The following TP53BP2 variants were observed in gnomAD, a reference collection of about 807,000 sequenced individuals.
The protein encoded by TP53BP2 is tumor protein p53 binding protein 2.
A neutral mutation model predicts 126.2 loss-of-function variants in TP53BP2; 62 were observed. That is an observed-to-expected ratio of 0.49 (90% CI 0.40 to 0.61). The LOEUF is 0.61. Among genes scored for constraint, TP53BP2 ranks in the 20% least tolerant of loss-of-function variants. The pLI is 0.00. For missense variants in TP53BP2, 1,215 were observed against 1,402.8 expected (o/e 0.87, Z 2.14); for synonymous variants, 485 against 502.9 (o/e 0.96, Z 0.48).
intron 12 of TP53BP2, among the ~76,000 whole-genome samples, 158 bp downstream of exon 12, chr1:223,798,057 A>C (rs1045998058): frequency 2.6e-4 from 39 of 152,216 alleles, no homozygotes; most frequent in African/African-American, 8.9e-4. Flanking sequence ...GACATTTAGC[A>C]AGCACTCTTT....
chr1:223,822,447 T>C (rs1158149980), intron 1 of TP53BP2, among the ~76,000 whole-genome samples: 1 of 152,084 alleles, frequency 6.6e-6, no homozygotes, highest in Non-Finnish European at 1.5e-5. Context: ...GGGAAGATCA[T>C]GTGAGTCCAG....
chr1:223,829,364 G>A (rs1423457040), intron 1 of TP53BP2, among the ~76,000 whole-genome samples: 6 of 151,970 alleles, frequency 3.9e-5, no homozygotes, highest in Admixed American at 6.6e-5. Context: ...TGAGAATGTG[G>A]GTAAAATGGA....
intron 16 of TP53BP2, among the ~76,000 whole-genome samples, chr1:223,788,366 TA>T (rs1662041368): frequency 6.6e-6 from 1 of 152,106 alleles, no homozygotes. Flanking sequence ...CAAGCCCAAC[TA>T]AAGAGGAAAA....
chr1:223,797,835 T>C (rs114074603), intron 12 of TP53BP2, among the ~76,000 whole-genome samples: 1,634 of 152,188 alleles, frequency 0.011, 37 homozygotes, highest in African/African-American at 0.038. Flanking sequence ...TATGTCTCTC[T>C]ATATGTATAT....
chr1:223,825,053 A>ACACACACACACACC (rs896409691), intron 1 of TP53BP2, among the ~76,000 whole-genome samples: 2 of 148,734 alleles, frequency 1.3e-5, no homozygotes, highest in Admixed American at 1.3e-4. Flanking sequence ...ACACACACAC[A>ACACACACACACACC]CCCTAGCCCA....
At position 223,841,501 on chromosome 1, in the gene TP53BP2, C is replaced by T. The variant is rs936412982; in HGVS notation, c.27+4153G>A. 3.3e-5 allele frequency among the ~76,000 whole-genome samples: 5 copies of T among 152,210 alleles called. 1 individual carries two copies. In the South Asian group the frequency reaches 1.0e-3, roughly 32 times the overall value. ...TCCAAATACATAACTTGAAGTCATACAAATATAATGTTTCAAATACACAAC... is the reference window on the plus strand; with the variant it reads ...TCCAAATACATAACTTGAAGTCATATAAATATAATGTTTCAAATACACAAC... On this transcript the variant is annotated intron_variant, in intron 1 of 17. Coordinates refer to ENST00000343537, the MANE Select transcript of TP53BP2 (RefSeq NM_001031685.3).
chr1:223,823,351 G>A (rs1663379749), intron 1 of TP53BP2, among the ~76,000 whole-genome samples: 1 of 152,162 alleles, frequency 6.6e-6, no homozygotes, highest in Admixed American at 6.5e-5. Flanking sequence ...CAGAGAAAGA[G>A]GAGATATACA....
chr1:223,813,733 G>T (rs1286475474), intron 3 of TP53BP2, among the ~76,000 whole-genome samples: 1 of 152,024 alleles, frequency 6.6e-6, no homozygotes, highest in African/African-American at 2.4e-5. Flanking sequence ...TGGCCTCAAT[G>T]GTTCCCAGCA....
Position 223,796,573 on chromosome 1 carries a change from T to C in TP53BP2, c.1966A>G (p.Ile656Val), listed in dbSNP as rs1057245576. Residue 656 changes from isoleucine to valine, a missense_variant, in exon 13 of 18, where the codon ATT (isoleucine) becomes GTT (valine). Physicochemically the swap from Ile to Val is conservative, Grantham distance 29. Transcript: ENST00000343537. The surrounding 1 kb of genome is among the most constrained non-coding windows in gnomAD (Gnocchi z 4.2). ...TGCTGTTGATTCTGGGCAGCAGCAA[T>C]TACAGGCTTACCATATACTAATTGG... ...HFSSVYGKPV[I>V]AAAQNQQQHP... 1.2e-6 allele frequency: 2 copies of C among 1,608,596 alleles called. No individual in the cohort carries two copies. The highest frequency in any genetic ancestry group is 1.7e-5 in the Admixed American group (1 of 59,430).
In TP53BP2 at chr1:223,815,272, T is replaced by C. The variant is rs151033831; in HGVS notation, c.176-919A>G. ...ACCAGCCAATTTGGTGAACCAACCC[T>C]GAACTTAATCTGCTTGGCTGCAACA... On this transcript the variant is annotated intron_variant, in intron 2 of 17. Transcript: ENST00000343537. Among the ~76,000 whole-genome samples the C allele has an allele frequency of 1.7e-3, 252 of 152,328 alleles. 2 individuals are homozygous for C. Among genetic ancestry groups the C allele is most frequent in the African/African-American group, 5.0e-3 (207 of 41,568 alleles).
intron 11 of TP53BP2, among the ~76,000 whole-genome samples, chr1:223,799,072 G>A (rs1381612761): frequency 1.3e-5 from 2 of 152,132 alleles, no homozygotes; most frequent in African/African-American, 4.8e-5. Flanking sequence ...ACTCCATCTC[G>A]GAAAATATAT....
chr1:223,820,188 G>A (rs1663250464), intron 2 of TP53BP2, among the ~76,000 whole-genome samples: 1 of 152,192 alleles, frequency 6.6e-6, no homozygotes, highest in African/African-American at 2.4e-5. Context: ...ATGACTCTAA[G>A]GTGGGAATGA....
intron 15 of TP53BP2, 132 bp from the exon 16 acceptor site, chr1:223,789,306 T>C: frequency 9.9e-7 from 1 of 1,008,466 alleles, no homozygotes; most frequent in Non-Finnish European, 1.4e-6. Flanking sequence ...TAAACAGTTT[T>C]TTAAAAACCA....
At chr1:223,826,594 T>A (rs1382775101) in intron 1 of TP53BP2, among the ~76,000 whole-genome samples, 1 of 152,172 alleles carries the variant, frequency 6.6e-6, no homozygotes, top group African/African-American at 2.4e-5. Context: ...GTGATGAAAA[T>A]ATTCTGGAAT....
chr1:223,798,769 C>T (rs909441612), intron 11 of TP53BP2, 92 bp from the exon 12 acceptor site: 11 of 1,123,658 alleles, frequency 9.8e-6, no homozygotes, highest in South Asian at 1.5e-5. Context: ...TGTAAATATA[C>T]ACTATAAAAA....
chr1:223,803,313 C>A lies in TP53BP2; in HGVS notation c.789G>T (p.Gln263His). ...NGRIDSHHDN[Q>H]SAVAELDRLY... ...GGCGATCAAGCTCAGCCACTGCAGA[C>A]TGATTGTCATGGTGGCTGTCGATCC... Residue 263 changes from glutamine to histidine, a missense_variant, in exon 7 of 18, where the codon CAG (glutamine) becomes CAT (histidine). This residue lies in a region of TP53BP2 where 814 missense variants were observed against 853.0 expected (regional missense o/e 0.95). Coordinates refer to ENST00000343537, the MANE Select transcript of TP53BP2 (RefSeq NM_001031685.3). The A allele has an allele frequency of 6.2e-7, 1 of 1,613,466 alleles. No individual in the cohort carries two copies. The highest frequency in any genetic ancestry group is 8.5e-7 in the Non-Finnish European group (1 of 1,179,812).
intron 3 of TP53BP2, among the ~76,000 whole-genome samples, chr1:223,813,767 C>G (rs979923669): frequency 2.6e-5 from 4 of 152,082 alleles, no homozygotes; most frequent in Admixed American, 1.3e-4. Flanking sequence ...AGTAAGCCCT[C>G]TCTCCTAATC....
At chr1:223,815,725 C>G (rs1213147401) in intron 2 of TP53BP2, among the ~76,000 whole-genome samples, 1 of 152,202 alleles carries the variant, frequency 6.6e-6, no homozygotes, top group Non-Finnish European at 1.5e-5. Context: ...GCCACACCTA[C>G]GGTCATGCAC....
intron 17 of TP53BP2, among the ~76,000 whole-genome samples, 182 bp from the exon 18 acceptor site, chr1:223,781,076 C>G (rs186640912): frequency 2.6e-5 from 4 of 152,308 alleles, no homozygotes; most frequent in African/African-American, 9.6e-5. Flanking sequence ...CATAGCTAGA[C>G]TCAGCAGGAC....
Sources: allele counts gnomAD v4.1 joint callset (sites outside exome capture counted in the v4.1 genomes callset), GRCh38; gene constraint gnomAD v4.1.1; regional missense constraint gnomAD v4.1.1; non-coding constraint Gnocchi (gnomAD v3.1); transcripts MANE v1.5; gene names NCBI Gene and HGNC (gene_info 2026-07-23, HGNC 2026-07-21).